SNRNP27: variants seen among roughly 807,000 people sequenced by gnomAD.
SNRNP27 encodes U4/U6.U5 small nuclear ribonucleoprotein 27 kDa protein.
SNRNP27 carries 22 observed loss-of-function variants against 25.1 expected under a neutral mutation model. The ratio of observed to expected loss-of-function variants is 0.88; its 90% CI spans 0.63 to 1.25. The LOEUF is 1.25. Ranked by LOEUF, SNRNP27 falls within the 50% of genes most tolerant of loss-of-function variation. SNRNP27 has a pLI of 0.00. For missense variants in SNRNP27, 150 were observed against 202.3 expected, an observed-to-expected ratio of 0.74 and a Z score of 1.57; for synonymous variants, 66 against 64.9, an observed-to-expected ratio of 1.02 and a Z score of -0.08.
intron 3 of SNRNP27, 43 bp from the exon 4 acceptor site, chr2:69,897,316 CTTTTTATTTATGTATATA>C (rs1411726964): frequency 8.5e-7 from 1 of 1,177,468 alleles, no homozygotes; most frequent in Non-Finnish European, 1.3e-6. Context: ...TACCACCTCT[CTTTTTATTTATGTATATA>C]TTTGAAATGA....
At chr2:69,902,507 C>T (rs1287414763) in intron 4 of SNRNP27, among the ~76,000 whole-genome samples, 2 of 151,970 alleles carry the variant, frequency 1.3e-5, no homozygotes, top group South Asian at 2.1e-4. Flanking sequence ...GCTGCTGCTG[C>T]TTGTGCTGCT....
chr2:69,901,960 T>A (rs1676706213), intron 4 of SNRNP27, among the ~76,000 whole-genome samples: 1 of 152,236 alleles, frequency 6.6e-6, no homozygotes, highest in Non-Finnish European at 1.5e-5. Context: ...TGAATGTGAG[T>A]TTTTCTGGAG....
chr2:69,895,868 CT>C (rs1676591111), intron 2 of SNRNP27, among the ~76,000 whole-genome samples: 1 of 151,990 alleles, frequency 6.6e-6, no homozygotes, highest in Non-Finnish European at 1.5e-5. Context: ...CCTGTTGTTT[CT>C]TTTTTATTAA....
intron 4 of SNRNP27, among the ~76,000 whole-genome samples, chr2:69,899,493 A>C (rs1032188938): frequency 1.3e-5 from 2 of 151,968 alleles, no homozygotes; most frequent in African/African-American, 4.8e-5. Flanking sequence ...GCAGCGGCGC[A>C]ATCTCGGCTC....
In SNRNP27 at chr2:69,895,192, TC is replaced by T; in HGVS notation, c.137del (p.Pro46ArgfsTer22). Reference sequence around the variant, plus strand: ...AGATCGGAGAAGGAGCCGCTCGCGATCCCCGCACCGAAGACGCTCCCGGTAA... The same window carrying T: ...AGATCGGAGAAGGAGCCGCTCGCGATCCCGCACCGAAGACGCTCCCGGTAA... ...ERDRRRSRSRSPHRRRSRSPR... is the reference protein window; with the variant it reads ...ERDRRRSRSRXPHRRRSRSPR... On this transcript the variant is annotated frameshift_variant, in exon 2 of 6. Transcript: ENST00000244227. LOFTEE classifies it high-confidence loss of function. 6.2e-7 allele frequency: 1 copy of T among 1,614,066 alleles called. No individual in the cohort carries two copies. Among genetic ancestry groups the T allele is most frequent in the Non-Finnish European group, 8.5e-7 (1 of 1,180,006 alleles).
chr2:69,898,440 A>C lies in SNRNP27; in HGVS notation c.348+984A>C, dbSNP rs547419826. Among the ~76,000 whole-genome samples the C allele has an allele frequency of 1.3e-4, 19 of 151,600 alleles. 8 individuals carry two copies. Among genetic ancestry groups the C allele is most frequent in the African/African-American group, 4.4e-4 (18 of 41,326 alleles). ...TAGAGAGAGGAAATGAAGAGAGGAGAGGGGATGGAGAGAGGGAGGGTGTGT... is the reference window on the plus strand; with the variant it reads ...TAGAGAGAGGAAATGAAGAGAGGAGCGGGGATGGAGAGAGGGAGGGTGTGT... On this transcript the variant is annotated intron_variant, in intron 4 of 5. Coordinates refer to ENST00000244227, the MANE Select transcript of SNRNP27 (RefSeq NM_006857.3).
intron 4 of SNRNP27, among the ~76,000 whole-genome samples, chr2:69,902,270 TTCC>T (rs992737474): frequency 2.1e-5 from 3 of 142,824 alleles, no homozygotes; most frequent in African/African-American, 5.3e-5. Context: ...TTTCTTCTCC[TTCC>T]TCCTCCTCCT....
chr2:69,896,487 AAGAAG>A lies in SNRNP27; in HGVS notation c.211_215del (p.Arg71Ter), dbSNP rs1676601255. The A allele has an allele frequency of 1.2e-6, 2 of 1,610,878 alleles. No homozygotes were observed. Among genetic ancestry groups the A allele is most frequent in the Non-Finnish European group, 1.7e-6 (2 of 1,178,084 alleles). ...CTCCTTCCCCTTCTCGACTGAAAGA[AAGAAG>A]AGATGAGGAAAAGAAAGAAACAAAA... On this transcript the variant is annotated frameshift_variant, in exon 3 of 6. Coordinates refer to ENST00000244227, the MANE Select transcript of SNRNP27 (RefSeq NM_006857.3). LOFTEE classifies it high-confidence loss of function.
At chr2:69,902,455 T>A (rs775963239) in intron 4 of SNRNP27, among the ~76,000 whole-genome samples, 1 of 151,944 alleles carries the variant, frequency 6.6e-6, no homozygotes, top group Non-Finnish European at 1.5e-5. Context: ...TGCTCTTGCT[T>A]CTTCTTCGGC....
intron 4 of SNRNP27, among the ~76,000 whole-genome samples, chr2:69,902,425 T>G (rs551181977): frequency 2.0e-5 from 3 of 151,916 alleles, no homozygotes; most frequent in East Asian, 3.9e-4. Flanking sequence ...TGCGTCTGCT[T>G]CTTCTGCTGC....
In SNRNP27 at chr2:69,895,153, A is replaced by G; in HGVS notation, c.94A>G (p.Arg32Gly). 1.9e-6 allele frequency: 3 copies of G among 1,614,062 alleles called. No homozygotes were observed. Among genetic ancestry groups the G allele is most frequent in the Non-Finnish European group, 2.5e-6 (3 of 1,179,998 alleles). Residue 32 changes from arginine to glycine, a missense_variant, in exon 2 of 6, where the codon AGG (arginine) becomes GGG (glycine). Physicochemically the swap from Arg to Gly is moderately radical, Grantham distance 125. Around this residue, in one of 2 missense-constraint regions of SNRNP27, gnomAD observed 142 missense variants for 168.6 expected, o/e 0.84. Coordinates refer to ENST00000244227, the MANE Select transcript of SNRNP27 (RefSeq NM_006857.3). ...AGAACGCAGGCGCCGAGAAAGGTCC[A>G]GGTCTCGGGAGAGAGATCGGAGAAG... is the stretch of plus-strand genomic sequence containing the variant. ...ERERRRRERS[R>G]SRERDRRRSR...
rs1025106054 is a variant in SNRNP27 at position 69,903,326 on chromosome 2, G to T, written c.413+81G>T. 112 of 979,660 alleles carry T rather than the reference G, an allele frequency of 1.1e-4. No individual in the cohort carries two copies. The East Asian group carries it at 2.3e-3, about 20-fold the overall frequency. 60.7% of individuals were successfully genotyped at this position (979,660 alleles called of 1,614,324 possible). Reference sequence around the variant, plus strand: ...ACTTTATTATGAGATAATCATGTTTGTAGGAAATGTAGCAGTTTTCCATAC... The same window carrying T: ...ACTTTATTATGAGATAATCATGTTTTTAGGAAATGTAGCAGTTTTCCATAC... On this transcript the variant is annotated intron_variant, in intron 5 of 5. Coordinates refer to ENST00000244227, the MANE Select transcript of SNRNP27 (RefSeq NM_006857.3).
At chr2:69,901,086 A>T (rs1165956586) in intron 4 of SNRNP27, among the ~76,000 whole-genome samples, 1 of 151,938 alleles carries the variant, frequency 6.6e-6, no homozygotes, top group Non-Finnish European at 1.5e-5. Context: ...AGGCAGGAGA[A>T]TCACTTAAAC....
At position 69,895,108 on chromosome 2, in the gene SNRNP27, C is replaced by G. The variant is rs1417198989; in HGVS notation, c.49C>G (p.Arg17Gly). The change falls in exon 2 of 6, where the codon CGG becomes GGG. Residue 17 changes from arginine (R) to glycine (G), a missense_variant. Arg to Gly is a moderately radical substitution (Grantham distance 125). Transcript: ENST00000244227. ...GTTTGCATTAGAACGTAGGCGTTCCCGGTCCACATCCCGGGAGAGAGAACG... is the reference window on the plus strand; with the variant it reads ...GTTTGCATTAGAACGTAGGCGTTCCGGGTCCACATCCCGGGAGAGAGAACG... ...RSPRRERRRSRSTSRERERRR... is the reference protein window; with the variant it reads ...RSPRRERRRSGSTSRERERRR... The G allele has an allele frequency of 6.2e-7, 1 of 1,613,324 alleles. No homozygotes were observed. Among genetic ancestry groups the G allele is most frequent in the Admixed American group, 1.7e-5 (1 of 59,986 alleles).
chr2:69,902,762 C>G (rs1676727690), intron 4 of SNRNP27, among the ~76,000 whole-genome samples: 1 of 151,940 alleles, frequency 6.6e-6, no homozygotes, highest in Non-Finnish European at 1.5e-5. Context: ...GTTTATTCTG[C>G]TACTGCTGCT....
chr2:69,896,677 T>G lies in SNRNP27; in HGVS notation c.268+129T>G, dbSNP rs1200195889. 2.0e-5 allele frequency: 8 copies of G among 403,702 alleles called. No homozygotes were observed. In the Admixed American group the frequency reaches 2.3e-4, roughly 11 times the overall value. 25.0% of individuals were successfully genotyped at this position (403,702 alleles called of 1,614,324 possible). On this transcript the variant is annotated intron_variant, in intron 3 of 5. Coordinates refer to ENST00000244227, the MANE Select transcript of SNRNP27 (RefSeq NM_006857.3). Reference sequence around the variant, plus strand: ...GCATATGGTTTTGAGTTTTTTTTGGTTTTTTTTTTTTTGAGATAGAGTTTC... The same window carrying G: ...GCATATGGTTTTGAGTTTTTTTTGGGTTTTTTTTTTTTGAGATAGAGTTTC...
At chr2:69,900,105 A>C (rs1676670325) in intron 4 of SNRNP27, among the ~76,000 whole-genome samples, 2 of 152,056 alleles carry the variant, frequency 1.3e-5, no homozygotes, top group Non-Finnish European at 2.9e-5. Context: ...CTGTAGCCTC[A>C]CAGCAATGTG....
intron 4 of SNRNP27, among the ~76,000 whole-genome samples, chr2:69,901,385 T>G (rs1676695351): frequency 6.6e-6 from 1 of 152,012 alleles, no homozygotes; most frequent in Non-Finnish European, 1.5e-5. Flanking sequence ...GTATGTTGAG[T>G]TGACTTGGCT....
chr2:69,904,520 A>T lies in SNRNP27; in HGVS notation c.*212A>T, dbSNP rs1039655898. 1.6e-6 allele frequency: 1 copy of T among 611,782 alleles called. No individual in the cohort carries two copies. The highest frequency in any genetic ancestry group is 1.9e-5 in the African/African-American group (1 of 51,936). 37.9% of individuals were successfully genotyped at this position (611,782 alleles called of 1,614,324 possible). On this transcript the variant is annotated 3_prime_UTR_variant, in exon 6 of 6. Transcript: ENST00000244227. Reference sequence around the variant, plus strand: ...ACATTTTTTTCTTTTAGGAAATATCATTTGTGGCAGGCGTCAACCCCATTT... The same window carrying T: ...ACATTTTTTTCTTTTAGGAAATATCTTTTGTGGCAGGCGTCAACCCCATTT...
Sources: allele counts gnomAD v4.1 joint callset (sites outside exome capture counted in the v4.1 genomes callset), GRCh38; gene constraint gnomAD v4.1.1; regional missense constraint gnomAD v4.1.1; transcripts MANE v1.5; gene names NCBI Gene and HGNC (gene_info 2026-07-23, HGNC 2026-07-21).